The following PARM1 variants were observed in gnomAD, a reference collection of about 807,000 sequenced individuals.
PARM1 encodes the protein prostate androgen-regulated mucin-like protein 1.
Under a neutral mutation model 24.6 loss-of-function variants are expected in PARM1, and 14 were observed. The ratio of observed to expected loss-of-function variants is 0.57; its 90% CI spans 0.38 to 0.89. The LOEUF (loss-of-function observed/expected upper bound fraction) is 0.89, where lower values mean the gene tolerates loss of function less well. PARM1 is among the 40% of genes least tolerant of loss of function. PARM1 has a pLI of 0.00. For missense variants in PARM1, 362 were observed against 380.4 expected (o/e 0.95, Z 0.40); for synonymous variants, 179 against 156.6 (o/e 1.14, Z -1.07).
chr4:74,949,001 G>A (rs541665181), intron 1 of PARM1, among the ~76,000 whole-genome samples: 2 of 151,890 alleles, frequency 1.3e-5, no homozygotes, highest in East Asian at 1.9e-4. Flanking sequence ...CAGCCTCGGC[G>A]ACAGAGCGAG....
In PARM1 at chr4:74,933,184, C is replaced by A; in HGVS notation, c.-144C>A. The A allele has an allele frequency of 1.6e-6, 1 of 629,938 alleles. No individual in the cohort carries two copies. The highest frequency in any genetic ancestry group is 2.8e-6 in the Non-Finnish European group (1 of 356,906). 39.0% of individuals were successfully genotyped at this position (629,938 alleles called of 1,614,324 possible). A position where few individuals can be genotyped will look rare whatever the true frequency, so the allele number is the denominator to read the frequency against. On this transcript the variant is annotated 5_prime_UTR_variant, in exon 1 of 4. Transcript: ENST00000307428. Reference sequence around the variant, plus strand: ...CGCTGCGTTCGCCTCGTTTGCCTCGCGCCCTCCACTGGAGCTGTTCGCGCC... The same window carrying A: ...CGCTGCGTTCGCCTCGTTTGCCTCGAGCCCTCCACTGGAGCTGTTCGCGCC...
intron 1 of PARM1, among the ~76,000 whole-genome samples, chr4:75,001,568 A>G (rs1722681276): frequency 6.6e-6 from 1 of 152,194 alleles, no homozygotes; most frequent in Non-Finnish European, 1.5e-5. Flanking sequence ...CACATGTAAA[A>G]ATTCATTGTT....
At chr4:74,984,297 AC>A (rs897186900) in intron 1 of PARM1, among the ~76,000 whole-genome samples, 2 of 152,252 alleles carry the variant, frequency 1.3e-5, no homozygotes, top group Non-Finnish European at 2.9e-5. Flanking sequence ...CTAAATGGTA[AC>A]TTAATGACCT....
At chr4:75,010,753 A>G (rs1343414878) in intron 1 of PARM1, among the ~76,000 whole-genome samples, 2 of 152,208 alleles carry the variant, frequency 1.3e-5, no homozygotes, top group East Asian at 1.9e-4. Flanking sequence ...TACTGCTATA[A>G]AAGATCATGC....
At chr4:75,045,351 C>T (rs895633229) in intron 3 of PARM1, among the ~76,000 whole-genome samples, 1 of 152,204 alleles carries the variant, frequency 6.6e-6, no homozygotes, top group Admixed American at 6.5e-5. Context: ...TTGGCTTTTA[C>T]TCTGAGATGA....
In PARM1 at chr4:74,933,456, C is replaced by T. The variant is rs556677895; in HGVS notation, c.43+86C>T. 62 of 1,185,202 alleles carry T rather than the reference C, an allele frequency of 5.2e-5. No individual in the cohort carries two copies. In the African/African-American group the frequency reaches 8.4e-4, roughly 16 times the overall value. The allele number at this position is 1,185,202 out of a possible 1,614,324, so 73.4% of individuals were successfully genotyped here. ...TGGTCGGGGCTGAAGCTAGGAGATC[C>T]GGCAGTGAGTCGCCGCGCGCCTCCG... On this transcript the variant is annotated intron_variant, in intron 1 of 3. Coordinates refer to ENST00000307428, the MANE Select transcript of PARM1 (RefSeq NM_015393.4).
In PARM1 at chr4:74,958,519, G is replaced by A. The variant is rs143153109; in HGVS notation, c.43+25149G>A. ...AAGCAAAGAAAATGAAAAGCTGGGG[G>A]TAGAGGAGTACTCTGACAAAGCATA... On this transcript the variant is annotated intron_variant, in intron 1 of 3. Transcript: ENST00000307428. Among the ~76,000 whole-genome samples, 432 of 152,260 alleles carry A rather than the reference G, an allele frequency of 2.8e-3. 2 individuals are homozygous for A. The highest frequency in any genetic ancestry group is 0.01 in the African/African-American group (421 of 41,544).
chr4:75,045,529 C>G (rs1723583923), intron 3 of PARM1, among the ~76,000 whole-genome samples: 1 of 152,214 alleles, frequency 6.6e-6, no homozygotes, highest in South Asian at 2.1e-4. Flanking sequence ...AGAACTTGTG[C>G]TCTAAGTGCT....
At chr4:74,936,283 G>C (rs1721181303) in intron 1 of PARM1, among the ~76,000 whole-genome samples, 1 of 152,098 alleles carries the variant, frequency 6.6e-6, no homozygotes, top group African/African-American at 2.4e-5. Flanking sequence ...ACTGATTCCA[G>C]ATTAAAATAC....
intron 1 of PARM1, among the ~76,000 whole-genome samples, chr4:74,954,344 AATG>A (rs1489619112): frequency 6.6e-6 from 1 of 152,238 alleles, no homozygotes; most frequent in Non-Finnish European, 1.5e-5. Context: ...TACTAGTAAA[AATG>A]ATGACATTTA....
intron 1 of PARM1, among the ~76,000 whole-genome samples, chr4:74,975,484 T>C (rs1722126503): frequency 6.6e-6 from 1 of 152,252 alleles, no homozygotes; most frequent in African/African-American, 2.4e-5. Flanking sequence ...AGGCATATTC[T>C]TTACTAGGTT....
intron 1 of PARM1, among the ~76,000 whole-genome samples, chr4:74,952,359 TTACA>T (rs1196742138): frequency 6.6e-6 from 1 of 152,244 alleles, no homozygotes; most frequent in Non-Finnish European, 1.5e-5. Context: ...GATGGATAGA[TTACA>T]AACATTTTCT....
intron 2 of PARM1, among the ~76,000 whole-genome samples, chr4:75,019,799 C>T (rs539103233): frequency 8.0e-5 from 12 of 150,916 alleles, no homozygotes; most frequent in African/African-American, 2.7e-4. Context: ...GTCAGGAGAT[C>T]GAGACCATCC....
chr4:74,974,219 A>G (rs1317110348), intron 1 of PARM1, among the ~76,000 whole-genome samples: 1 of 152,216 alleles, frequency 6.6e-6, no homozygotes, highest in Non-Finnish European at 1.5e-5. Context: ...AAACTACTTT[A>G]CTGAGTCCAT....
chr4:75,039,645 G>A (rs1294688393), intron 3 of PARM1, among the ~76,000 whole-genome samples: 1 of 152,212 alleles, frequency 6.6e-6, no homozygotes, highest in East Asian at 1.9e-4. Flanking sequence ...GGTGATGCCA[G>A]TGCTGCTGGT....
In PARM1 at chr4:75,013,154, A is replaced by G; in HGVS notation, c.769+4A>G. On this transcript the variant is annotated splice_donor_region_variant and intron_variant, in intron 2 of 3. Coordinates refer to ENST00000307428, the MANE Select transcript of PARM1 (RefSeq NM_015393.4). ...GTAGAACATGCATTAAGTTCAGGTG[A>G]GTCTCTATCCAGTCCACTAGTTTTC... 1.2e-6 allele frequency: 2 copies of G among 1,607,844 alleles called. No homozygotes were observed. The highest frequency in any genetic ancestry group is 1.7e-6 in the Non-Finnish European group (2 of 1,176,912).
At position 75,012,604 on chromosome 4, in the gene PARM1, T is replaced by G. The variant is rs766172537; in HGVS notation, c.223T>G (p.Ser75Ala). 2.5e-6 allele frequency: 4 copies of G among 1,613,752 alleles called. No homozygotes were observed. The highest frequency in any genetic ancestry group is 3.4e-6 in the Non-Finnish European group (4 of 1,179,864). ...CCCAGTTACAGCATCAGCCCCAACA[T>G]CTCTGCTTCCTAAGAACATTTCCAT... Reference protein sequence around the residue: ...VLPVTASAPTSLLPKNISIES... With the variant: ...VLPVTASAPTALLPKNISIES... The change falls in exon 2 of 4, where the codon TCT becomes GCT. Residue 75 changes from serine to alanine, a missense_variant. Physicochemically the swap from Ser to Ala is moderately conservative, Grantham distance 99. Coordinates refer to ENST00000307428, the MANE Select transcript of PARM1 (RefSeq NM_015393.4).
intron 1 of PARM1, among the ~76,000 whole-genome samples, chr4:75,010,995 G>A (rs1722859448): frequency 6.6e-6 from 1 of 152,176 alleles, no homozygotes; most frequent in Admixed American, 6.5e-5. Context: ...TGGTGGAAGG[G>A]GAAGTGGGAG....
intron 3 of PARM1, among the ~76,000 whole-genome samples, chr4:75,043,201 G>A (rs182321440): frequency 4.6e-5 from 7 of 152,212 alleles, no homozygotes; most frequent in African/African-American, 1.7e-4. Flanking sequence ...AACTATGCCT[G>A]GGGTATAGTT....
Sources: gnomAD v4.1 joint callset for allele counts (sites outside exome capture counted in the v4.1 genomes callset) on GRCh38, gnomAD v4.1.1 for gene constraint, MANE v1.5 for transcripts, NCBI Gene and HGNC (gene_info 2026-07-23, HGNC 2026-07-21) for gene names.